The following STAT3 variants were observed in gnomAD, a reference collection of about 807,000 sequenced individuals.
STAT3 encodes DNA-binding protein APRF.
STAT3 carries 7 observed loss-of-function variants against 114.3 expected under a neutral mutation model. The ratio of observed to expected loss-of-function variants is 0.06; its 90% confidence interval spans 0.03 to 0.11. The LOEUF (loss-of-function observed/expected upper bound fraction) is 0.11. Among genes scored for constraint, STAT3 ranks in the 10% least tolerant of loss-of-function variants. The pLI, the probability that STAT3 is intolerant of heterozygous loss-of-function variation, is 1.00. For missense variants in STAT3, 364 were observed against 960.9 expected (o/e 0.38, Z 8.21); for synonymous variants, 331 against 354.5 (o/e 0.93, Z 0.74).
intron 14 of STAT3, among the ~76,000 whole-genome samples, chr17:42,328,018 T>A (rs1359473942): frequency 6.8e-6 from 1 of 146,534 alleles, no homozygotes; most frequent in Non-Finnish European, 1.5e-5. Flanking sequence ...TGCAATCCGA[T>A]AGAACGAGAC....
intron 4 of STAT3, among the ~76,000 whole-genome samples, chr17:42,343,489 C>T (rs923418914): frequency 1.4e-5 from 2 of 138,808 alleles, no homozygotes; most frequent in East Asian, 2.1e-4. Context: ...GTCGGAGTCT[C>T]GCTCTGTCGC....
At chr17:42,318,030 G>A (rs533682109) in intron 21 of STAT3, among the ~76,000 whole-genome samples, 1 of 152,132 alleles carries the variant, frequency 6.6e-6, no homozygotes, top group East Asian at 1.9e-4. Flanking sequence ...CTCGGTTACC[G>A]CAACCTCCTA....
intron 4 of STAT3, among the ~76,000 whole-genome samples, chr17:42,341,701 A>G (rs2082449476): frequency 6.6e-6 from 1 of 152,152 alleles, no homozygotes; most frequent in Admixed American, 6.5e-5. Context: ...ACCAACTTAT[A>G]GCTTTATATC....
chr17:42,341,596 C>T (rs991131102), intron 4 of STAT3, among the ~76,000 whole-genome samples: 9 of 152,242 alleles, frequency 5.9e-5, no homozygotes, highest in Admixed American at 5.2e-4. Context: ...ATTACATCCA[C>T]TCTTCTATCT....
chr17:42,316,742 G>T (rs761612523), intron 23 of STAT3, 47 bp downstream of exon 23: 76 of 1,612,026 alleles, frequency 4.7e-5, no homozygotes, highest in Non-Finnish European at 6.1e-5. Context: ...CACACAAAGG[G>T]GACCAACTTC....
chr17:42,341,783 C>A (rs9890802), intron 4 of STAT3, among the ~76,000 whole-genome samples: 11,269 of 151,798 alleles, frequency 0.074, 1,413 homozygotes, highest in African/African-American at 0.26. Flanking sequence ...ACAGTCCCTG[C>A]CACAAATAGC....
intron 21 of STAT3, 28 bp from the exon 22 acceptor site, chr17:42,317,252 C>T (rs2081289738): frequency 1.2e-6 from 2 of 1,612,108 alleles, no homozygotes; most frequent in African/African-American, 1.3e-5. Context: ...AGTTTTCTTA[C>T]TGACTGTGAC....
intron 14 of STAT3, among the ~76,000 whole-genome samples, chr17:42,327,717 C>T (rs544413359): frequency 1.6e-4 from 24 of 152,250 alleles, no homozygotes; most frequent in Non-Finnish European, 2.9e-4. Flanking sequence ...AGTACAGCAA[C>T]CTTATTTTAA....
intron 1 of STAT3, among the ~76,000 whole-genome samples, chr17:42,357,286 AAAGT>A (rs1190747016): frequency 2.0e-5 from 3 of 152,218 alleles, no homozygotes; most frequent in African/African-American, 7.2e-5. Context: ...AAAAATGAGA[AAAGT>A]AAGAGAAAGC....
intron 1 of STAT3, among the ~76,000 whole-genome samples, chr17:42,368,213 A>C (rs1447228856): frequency 1.3e-5 from 2 of 152,130 alleles, no homozygotes; most frequent in African/African-American, 4.8e-5. Context: ...AAGAAAAAAA[A>C]TAAATAAACA....
chr17:42,319,616 G>A (rs1302430760), intron 21 of STAT3, among the ~76,000 whole-genome samples: 1 of 145,948 alleles, frequency 6.9e-6, no homozygotes. Context: ...GATTGTAAAT[G>A]TACTTTATCT....
chr17:42,339,227 G>T, intron 5 of STAT3, 87 bp downstream of exon 5: 1 of 1,337,252 alleles, frequency 7.5e-7, no homozygotes, highest in Non-Finnish European at 1.0e-6. Flanking sequence ...CTGCAGCCCA[G>T]CCTGAGTGGC....
chr17:42,315,870 C>A, intron 23 of STAT3, 70 bp from the exon 24 acceptor site: 1 of 1,612,450 alleles, frequency 6.2e-7, no homozygotes, highest in Middle Eastern at 1.9e-4. Flanking sequence ...CGCCCCCAGC[C>A]CTTCAGAGGA....
intron 10 of STAT3, among the ~76,000 whole-genome samples, chr17:42,331,752 A>G (rs926926088): frequency 6.6e-6 from 1 of 152,092 alleles, no homozygotes; most frequent in Non-Finnish European, 1.5e-5. Flanking sequence ...ACAAAGTGAG[A>G]GCCCACATCT....
chr17:42,369,747 C>T (rs2084004044), intron 1 of STAT3, among the ~76,000 whole-genome samples: 1 of 152,078 alleles, frequency 6.6e-6, no homozygotes, highest in South Asian at 2.1e-4. Context: ...AACTATCAAA[C>T]TCCTGGGCCT....
At position 42,315,684 on chromosome 17, in the gene STAT3, G is replaced by C; in HGVS notation, c.*61C>G. On this transcript the variant is annotated 3_prime_UTR_variant, in exon 24 of 24. Transcript: ENST00000264657. Reference sequence around the variant, plus strand: ...TGATCTGGGGTTTGGCTGTGTGAGGGGTGGCAGAATGCAGGTAGGCGCCTC... The same window carrying C: ...TGATCTGGGGTTTGGCTGTGTGAGGCGTGGCAGAATGCAGGTAGGCGCCTC... 1 of 1,534,514 alleles carries C rather than the reference G, an allele frequency of 6.5e-7. No homozygotes were observed. The highest frequency in any genetic ancestry group is 9.0e-7 in the Non-Finnish European group (1 of 1,107,686).
chr17:42,331,338 G>A (rs2082002295), intron 11 of STAT3, 134 bp downstream of exon 11: 1 of 798,390 alleles, frequency 1.3e-6, no homozygotes, highest in South Asian at 1.6e-5. Flanking sequence ...TGCACCCCAA[G>A]GCTTTTGAAA....
intron 4 of STAT3, among the ~76,000 whole-genome samples, chr17:42,341,248 A>G (rs1598429847): frequency 6.6e-6 from 1 of 152,228 alleles, no homozygotes; most frequent in East Asian, 1.9e-4. Context: ...GCTTCCAGCT[A>G]TAAACATCTC....
chr17:42,332,670 C>G (rs1019104592), intron 10 of STAT3, among the ~76,000 whole-genome samples: 1 of 151,762 alleles, frequency 6.6e-6, no homozygotes, highest in Non-Finnish European at 1.5e-5. Flanking sequence ...TGGAGAAACC[C>G]TGTCTCTACT....
Sources: gnomAD v4.1 joint callset for allele counts (sites outside exome capture counted in the v4.1 genomes callset) on GRCh38, gnomAD v4.1.1 for gene constraint, MANE v1.5 for transcripts, NCBI Gene and HGNC (gene_info 2026-07-23, HGNC 2026-07-21) for gene names.